KIAA1549L: variants seen among roughly 807,000 people sequenced by gnomAD.
The protein encoded by KIAA1549L is UPF0606 protein KIAA1549L.
A neutral mutation model predicts 160.7 loss-of-function variants in KIAA1549L; 88 were observed. The ratio of observed to expected loss-of-function variants is 0.55; its 90% CI spans 0.46 to 0.65. The LOEUF is 0.65. KIAA1549L is among the 30% of genes least tolerant of loss of function. The pLI, the probability that KIAA1549L is intolerant of heterozygous loss-of-function variation, is 0.00. For synonymous variants in KIAA1549L, 950 were observed against 976.7 expected (o/e 0.97, Z 0.51); for missense variants, 2,258 against 2,437.5 (o/e 0.93, Z 1.55).
intron 1 of KIAA1549L, among the ~76,000 whole-genome samples, chr11:33,472,106 C>CT (rs1852190127): frequency 6.6e-6 from 1 of 151,854 alleles, no homozygotes; most frequent in Non-Finnish European, 1.5e-5. Flanking sequence ...TCCTTCCTTT[C>CT]CTTTTTTTCC....
chr11:33,490,904 C>G (rs1019279042), intron 1 of KIAA1549L, among the ~76,000 whole-genome samples: 1 of 152,238 alleles, frequency 6.6e-6, no homozygotes, highest in African/African-American at 2.4e-5. Context: ...AATGCCCACC[C>G]TGCTGGTCCA....
chr11:33,634,150 C>T (rs1362449478), intron 16 of KIAA1549L, among the ~76,000 whole-genome samples: 5 of 152,148 alleles, frequency 3.3e-5, no homozygotes, highest in Admixed American at 1.3e-4. Flanking sequence ...TCAAGCAATT[C>T]TCCTGCCTTA....
At chr11:33,661,308 T>C (rs1852253078) in intron 20 of KIAA1549L, among the ~76,000 whole-genome samples, 2 of 152,224 alleles carry the variant, frequency 1.3e-5, no homozygotes, top group Non-Finnish European at 2.9e-5. Context: ...ATTTTCTATC[T>C]ACTAGACACC....
intron 1 of KIAA1549L, among the ~76,000 whole-genome samples, chr11:33,523,498 T>C (rs1853544346): frequency 6.6e-6 from 1 of 152,238 alleles, no homozygotes; most frequent in African/African-American, 2.4e-5. Context: ...ATCTGAATGC[T>C]CCTAATATAC....
chr11:33,407,424 C>T (rs1230760252), intron 1 of KIAA1549L, among the ~76,000 whole-genome samples: 1 of 152,102 alleles, frequency 6.6e-6, no homozygotes, highest in African/African-American at 2.4e-5. Flanking sequence ...TCACTGCAAC[C>T]TCTGCCTCCC....
intron 18 of KIAA1549L, among the ~76,000 whole-genome samples, chr11:33,658,169 TTC>T (rs1852133423): frequency 6.6e-6 from 1 of 152,218 alleles, no homozygotes; most frequent in Non-Finnish European, 1.5e-5. Context: ...ATGGGCTTGA[TTC>T]TCTGATTGCC....
At chr11:33,602,886 TAA>T (rs1850400861) in intron 13 of KIAA1549L, among the ~76,000 whole-genome samples, 1 of 152,226 alleles carries the variant, frequency 6.6e-6, no homozygotes, top group Non-Finnish European at 1.5e-5. Flanking sequence ...CAAATCTGAA[TAA>T]AAGTTTTTTT....
intron 1 of KIAA1549L, among the ~76,000 whole-genome samples, chr11:33,531,522 A>G (rs1853772745): frequency 6.6e-6 from 1 of 152,190 alleles, no homozygotes; most frequent in Non-Finnish European, 1.5e-5. Context: ...TATCAGCTTT[A>G]TTTTTAAACC....
rs776709107 is a variant in KIAA1549L at position 33,543,962 on chromosome 11, A to G, written c.2399A>G (p.Asp800Gly). 1.6e-5 allele frequency: 26 copies of G among 1,613,944 alleles called. No homozygotes were observed. The Admixed American group carries it at 4.0e-4, about 25-fold the overall frequency. ...SDMTMVGSHI[D>G]LWPTSNNNHS... ...ATGACCATGGTTGGAAGCCATATAG[A>G]CCTCTGGCCCACAAGCAATAACAAC... The change falls in exon 2 of 21, where the codon GAC (aspartate) becomes GGC (glycine). Residue 800 changes from aspartate (D) to glycine (G), a missense_variant. Physicochemically the swap from Asp to Gly is moderately conservative, Grantham distance 94. This residue lies in a region of KIAA1549L where 287 missense variants were observed against 292.3 expected (regional missense o/e 0.98). Coordinates refer to ENST00000658780, the MANE Select transcript of KIAA1549L (RefSeq NM_012194.3).
rs1851348042 is a variant in KIAA1549L, at chr11:33,435,787, T to TAAA, written c.238+58899_238+58900insAAA. The stretch of plus-strand genomic sequence containing the variant: ...ATATATATATATATATATATATATA[T>TAAA]ATATATATATATATATATATATATG... On this transcript the variant is annotated intron_variant, in intron 1 of 20. Transcript: ENST00000658780. Among the ~76,000 whole-genome samples the TAAA allele has an allele frequency of 5.8e-3, 64 of 11,002 alleles. 9 individuals carry two copies. Among genetic ancestry groups the TAAA allele is most frequent in the African/African-American group, 0.041 (63 of 1,544 alleles). The allele number at this position is 11,002 out of a possible 152,430, so 7.2% of individuals were successfully genotyped here.
intron 1 of KIAA1549L, among the ~76,000 whole-genome samples, chr11:33,447,623 GCACACA>G (rs56839961): frequency 6.8e-6 from 1 of 147,260 alleles, no homozygotes. Context: ...ACATGAACTT[GCACACA>G]CACACACACA....
chr11:33,428,587 G>A (rs1253164276), intron 1 of KIAA1549L, among the ~76,000 whole-genome samples: 1 of 152,164 alleles, frequency 6.6e-6, no homozygotes, highest in Non-Finnish European at 1.5e-5. Flanking sequence ...TGCTCAGAGT[G>A]ATGTTTTCCA....
At chr11:33,580,587 A>AAAAAAAAG (rs1554994225) in intron 10 of KIAA1549L, among the ~76,000 whole-genome samples, 1 of 127,572 alleles carries the variant, frequency 7.8e-6, no homozygotes, top group African/African-American at 3.9e-5. Context: ...AAAAAAAAAA[A>AAAAAAAAG]AAAAGAAAAG....
At chr11:33,399,312 C>T (rs556646474) in intron 1 of KIAA1549L, among the ~76,000 whole-genome samples, 5 of 152,206 alleles carry the variant, frequency 3.3e-5, no homozygotes, top group Non-Finnish European at 5.9e-5. Flanking sequence ...AAGGGGAACG[C>T]TTTTCTCCTC....
Position 33,514,488 on chromosome 11 carries a change from G to A in KIAA1549L, c.239-27314G>A, listed in dbSNP as rs150746788. Among the ~76,000 whole-genome samples the A allele has an allele frequency of 1.2e-3, 179 of 152,272 alleles. No individual in the cohort carries two copies. In the South Asian group the frequency reaches 0.025, roughly 21 times the overall value. On this transcript the variant is annotated intron_variant, in intron 1 of 20. Transcript: ENST00000658780. ...ATTAGGAGGACTTCATTGAAAATCA[G>A]TTCCTACAAAAGTTCTTTGTCTTAA...
intron 1 of KIAA1549L, among the ~76,000 whole-genome samples, chr11:33,512,701 G>A (rs966875863): frequency 2.6e-5 from 4 of 152,188 alleles, no homozygotes; most frequent in Admixed American, 6.5e-5. Context: ...GATTACAGGC[G>A]TGAGCCATTG....
chr11:33,542,777 C>T lies in KIAA1549L; in HGVS notation c.1214C>T (p.Thr405Ile). 6.2e-7 allele frequency: 1 copy of T among 1,613,892 alleles called. No homozygotes were observed. The highest frequency in any genetic ancestry group is 1.1e-5 in the South Asian group (1 of 91,076). Residue 405 changes from threonine to isoleucine, a missense_variant, in exon 2 of 21, where the codon ACT becomes ATT. Transcript: ENST00000658780. ...GTGCACAATGGGGTGTCTTTGCCAA[C>T]TTTTAAGAATACAGAAACAGCGACC... is the stretch of plus-strand genomic sequence containing the variant. ...GRVHNGVSLP[T>I]FKNTETATHE... is the part of the protein sequence containing the mutation.
chr11:33,430,251 T>C lies in KIAA1549L; in HGVS notation c.238+53362T>C, dbSNP rs1298276509. 4.8e-5 allele frequency among the ~76,000 whole-genome samples: 3 copies of C among 63,004 alleles called. No individual in the cohort carries two copies. In the East Asian group the frequency reaches 1.5e-3, roughly 30 times the overall value. 41.3% of individuals were successfully genotyped at this position (63,004 alleles called of 152,430 possible). ...TTTCATCCTTCCCTCCCTCCCTCCCTCTCTCCCTCCCTCCCTCTCTCCCTC... is the reference window on the plus strand; with the variant it reads ...TTTCATCCTTCCCTCCCTCCCTCCCCCTCTCCCTCCCTCCCTCTCTCCCTC... On this transcript the variant is annotated intron_variant, in intron 1 of 20. Coordinates refer to ENST00000658780, the MANE Select transcript of KIAA1549L (RefSeq NM_012194.3).
rs760185305 is a variant in KIAA1549L at position 33,561,699 on chromosome 11, A to G, written c.4042A>G (p.Ile1348Val). The G allele has an allele frequency of 5.6e-6, 9 of 1,609,982 alleles. No individual in the cohort carries two copies. Among genetic ancestry groups the G allele is most frequent in the Middle Eastern group, 1.7e-4 (1 of 6,054 alleles). ...AGCACTGGAATATCCCAACCTTGACATATCAGAAACAACCAGAGACTATTG... is the reference window on the plus strand; with the variant it reads ...AGCACTGGAATATCCCAACCTTGACGTATCAGAAACAACCAGAGACTATTG... The part of the protein sequence containing the change: ...AEPLEYPNLD[I>V]SETTRDYWVI... Residue 1348 changes from isoleucine to valine, a missense_variant, in exon 8 of 21, where the codon ATA becomes GTA. Transcript: ENST00000658780.
Sources: allele counts gnomAD v4.1 joint callset (sites outside exome capture counted in the v4.1 genomes callset), GRCh38; gene constraint gnomAD v4.1.1; regional missense constraint gnomAD v4.1.1; transcripts MANE v1.5; gene names NCBI Gene and HGNC (gene_info 2026-07-23, HGNC 2026-07-21).